The following GAB2 variants were observed in gnomAD, a reference collection of about 807,000 sequenced individuals.
GAB2 encodes the protein GRB2-associated-binding protein 2.
GAB2 carries 26 observed loss-of-function variants against 65.5 expected under a neutral mutation model. The ratio of observed to expected loss-of-function variants is 0.40; its 90% CI spans 0.29 to 0.55. The LOEUF is 0.55. Ranked by LOEUF, GAB2 falls within the 20% of genes least tolerant of loss-of-function variation. The probability of loss-of-function intolerance (pLI) is 0.53; values close to 1 mark genes in which losing one functional copy is unlikely to be tolerated. For synonymous variants in GAB2, 321 were observed against 329.6 expected, an observed-to-expected ratio of 0.97 and a Z score of 0.28; for missense variants, 884 against 875.8, an observed-to-expected ratio of 1.01 and a Z score of -0.12.
chr11:78,248,639 C>T (rs1865360798), intron 3 of GAB2, among the ~76,000 whole-genome samples: 1 of 152,196 alleles, frequency 6.6e-6, no homozygotes, highest in Non-Finnish European at 1.5e-5. Context: ...TGTATTTACT[C>T]TCTACTACTA....
chr11:78,240,109 C>T (rs1865086617), intron 3 of GAB2, among the ~76,000 whole-genome samples: 1 of 152,092 alleles, frequency 6.6e-6, no homozygotes, highest in South Asian at 2.1e-4. Flanking sequence ...TCAAGGAAAA[C>T]AGTATCTTGG....
chr11:78,266,027 C>A lies in GAB2; in HGVS notation c.376+14574G>T, dbSNP rs564121779. 2.0e-5 allele frequency among the ~76,000 whole-genome samples: 3 copies of A among 151,724 alleles called. No homozygotes were observed. In the East Asian group the frequency reaches 5.8e-4, roughly 29 times the overall value. On this transcript the variant is annotated intron_variant, in intron 2 of 9. Transcript: ENST00000361507. ...GTCAGGAGTTTGAGACCAGGTTGAC[C>A]AACATGGTGAAACCCCATCTCTACT... is the stretch of plus-strand genomic sequence containing the variant.
chr11:78,293,910 CTTTT>C (rs565761986), intron 1 of GAB2, among the ~76,000 whole-genome samples: 1 of 146,522 alleles, frequency 6.8e-6, no homozygotes, highest in Admixed American at 7.1e-5. Context: ...AAATATGAGT[CTTTT>C]TTTATTTTTA....
intron 3 of GAB2, among the ~76,000 whole-genome samples, chr11:78,241,953 A>G (rs1865146704): frequency 6.6e-6 from 1 of 152,250 alleles, no homozygotes; most frequent in Non-Finnish European, 1.5e-5. Flanking sequence ...CTTTAGATCA[A>G]ATGGACCTAA....
At chr11:78,363,793 C>G (rs1856464348) in intron 1 of GAB2, among the ~76,000 whole-genome samples, 1 of 151,968 alleles carries the variant, frequency 6.6e-6, no homozygotes, top group African/African-American at 2.4e-5. Flanking sequence ...GCCACGTTGC[C>G]TAGACTGGTC....
rs192995817 is a variant in GAB2, at chr11:78,345,132, T to C, written c.76-64231A>G. Among the ~76,000 whole-genome samples the C allele has an allele frequency of 3.3e-3, 495 of 152,092 alleles. 2 individuals carry two copies. Among genetic ancestry groups the C allele is most frequent in the African/African-American group, 0.011 (471 of 41,494 alleles). ...CCGTCTCTACTAAAAATACAAAAAT[T>C]AGCTAGGTGTGGTGGCACGCACCTA... On this transcript the variant is annotated intron_variant, in intron 1 of 9. Transcript: ENST00000361507.
chr11:78,329,916 A>T (rs1313809550), intron 1 of GAB2, among the ~76,000 whole-genome samples: 2 of 152,262 alleles, frequency 1.3e-5, no homozygotes, highest in Non-Finnish European at 2.9e-5. Context: ...GTTTGCAGGC[A>T]GTCTGCCAAT....
At chr11:78,378,682 A>C (rs1856662539) in intron 1 of GAB2, among the ~76,000 whole-genome samples, 1 of 152,092 alleles carries the variant, frequency 6.6e-6, no homozygotes, top group Admixed American at 6.6e-5. Flanking sequence ...TTTCTTTGAA[A>C]CAGGAGTCTT....
At chr11:78,311,815 A>T (rs1347655547) in intron 1 of GAB2, among the ~76,000 whole-genome samples, 1 of 152,192 alleles carries the variant, frequency 6.6e-6, no homozygotes, top group African/African-American at 2.4e-5. Context: ...GTAGTTAGGT[A>T]TGAGGCTGTG....
intron 1 of GAB2, among the ~76,000 whole-genome samples, chr11:78,390,647 G>A (rs777821907): frequency 6.6e-6 from 1 of 152,122 alleles, no homozygotes; most frequent in Non-Finnish European, 1.5e-5. Flanking sequence ...TCAGTGTATA[G>A]AGACTTTGAG....
chr11:78,378,845 T>G (rs1856664365), intron 1 of GAB2, among the ~76,000 whole-genome samples: 1 of 152,098 alleles, frequency 6.6e-6, no homozygotes, highest in African/African-American at 2.4e-5. Flanking sequence ...TTATATCCAC[T>G]TACCATACCA....
At chr11:78,286,082 A>G (rs1866473267) in intron 1 of GAB2, among the ~76,000 whole-genome samples, 1 of 152,142 alleles carries the variant, frequency 6.6e-6, no homozygotes, top group African/African-American at 2.4e-5. Flanking sequence ...TCCAACAAAT[A>G]TTTATTCAGT....
At chr11:78,248,630 G>A (rs1184271463) in intron 3 of GAB2, among the ~76,000 whole-genome samples, 1 of 152,176 alleles carries the variant, frequency 6.6e-6, no homozygotes, top group African/African-American at 2.4e-5. Flanking sequence ...CAGGTAAAAT[G>A]TATTTACTCT....
intron 1 of GAB2, among the ~76,000 whole-genome samples, chr11:78,364,577 AT>A (rs1258814762): frequency 3.9e-5 from 6 of 152,162 alleles, no homozygotes; most frequent in Non-Finnish European, 8.8e-5. Flanking sequence ...CTCAATCCCC[AT>A]TTTGTAAAAT....
At chr11:78,350,956 C>T (rs972470800) in intron 1 of GAB2, among the ~76,000 whole-genome samples, 8 of 152,204 alleles carry the variant, frequency 5.3e-5, no homozygotes, top group Admixed American at 5.2e-4. Context: ...CTGAAACATT[C>T]CCCCTTGTGT....
chr11:78,237,755 A>G (rs1214128817), intron 3 of GAB2, among the ~76,000 whole-genome samples: 1 of 152,254 alleles, frequency 6.6e-6, no homozygotes, highest in African/African-American at 2.4e-5. Flanking sequence ...GGTCTAGTGT[A>G]TAAGTAACTG....
chr11:78,397,845 T>C (rs1856920900), intron 1 of GAB2, among the ~76,000 whole-genome samples: 1 of 152,246 alleles, frequency 6.6e-6, no homozygotes, highest in South Asian at 2.1e-4. Flanking sequence ...TATCTTCAAG[T>C]GGACCTCTAA....
chr11:78,255,582 G>A (rs1865574135), intron 2 of GAB2, among the ~76,000 whole-genome samples: 1 of 152,138 alleles, frequency 6.6e-6, no homozygotes, highest in African/African-American at 2.4e-5. Context: ...AGCTGCCTGT[G>A]CCCCAATAGA....
chr11:78,268,646 C>T (rs1865929158), intron 2 of GAB2, among the ~76,000 whole-genome samples: 1 of 151,706 alleles, frequency 6.6e-6, no homozygotes, highest in Admixed American at 6.6e-5. Context: ...ACGAGATGCT[C>T]CCAAGTCTAA....
Sources: gnomAD v4.1 joint callset for allele counts (sites outside exome capture counted in the v4.1 genomes callset) on GRCh38, gnomAD v4.1.1 for gene constraint, MANE v1.5 for transcripts, NCBI Gene and HGNC (gene_info 2026-07-23, HGNC 2026-07-21) for gene names.